LAMA1: variants seen among roughly 807,000 people sequenced by gnomAD.
The protein encoded by LAMA1 is laminin subunit alpha 1.
A neutral mutation model predicts 348.7 loss-of-function variants in LAMA1; 219 were observed. That is an observed-to-expected ratio of 0.63 (90% CI 0.56 to 0.70). The LOEUF is 0.70. Among genes scored for constraint, LAMA1 ranks in the 30% least tolerant of loss-of-function variants. The probability of loss-of-function intolerance (pLI) is 0.00; values close to 1 mark genes in which losing one functional copy is unlikely to be tolerated. For missense variants in LAMA1, 3,744 were observed against 3,888.0 expected (o/e 0.96, Z 0.99); for synonymous variants, 1,487 against 1,491.0 (o/e 1.00, Z 0.06).
chr18:7,014,643 T>TA (rs557372322), intron 22 of LAMA1, among the ~76,000 whole-genome samples: 125 of 134,544 alleles, frequency 9.3e-4, no homozygotes, highest in African/African-American at 1.2e-3. Context: ...CTGTCTCAAT[T>TA]AAAAAAAAAA....
Position 6,948,449 on chromosome 18 carries a change from C to T in LAMA1, c.8664G>A (p.Val2888=), listed in dbSNP as rs2057531883. The stretch of plus-strand genomic sequence containing the variant: ...CGTCAAAGTATGTTCCTTCCTGGGC[C>T]ACTGCGTAGCACCTGTTCACCGTGA... The part of the protein sequence containing the change: ...SAFTVNRCYA[V]AQEGTYFDGS... The change falls in exon 60 of 63, where the codon GTG becomes GTA. Residue 2888 remains valine, a synonymous_variant. Transcript: ENST00000389658. 6.2e-7 allele frequency: 1 copy of T among 1,614,136 alleles called. No individual in the cohort carries two copies. Among genetic ancestry groups the T allele is most frequent in the Non-Finnish European group, 8.5e-7 (1 of 1,180,034 alleles).
Position 7,055,112 on chromosome 18 carries a change from C to CTGTG in LAMA1, c.346-4180_346-4177dup, listed in dbSNP as rs147015838. Among the ~76,000 whole-genome samples, 582 of 145,302 alleles carry CTGTG rather than the reference C, an allele frequency of 4.0e-3. 5 individuals carry two copies. Among genetic ancestry groups the CTGTG allele is most frequent in the African/African-American group, 0.011 (453 of 39,568 alleles). ...AACCCTCAAGTTATTCAAGGGTCAG[C>CTGTG]TGTGTGTGTGTGTGTGTGTGTGTGT... On this transcript the variant is annotated intron_variant, in intron 3 of 62. Transcript: ENST00000389658.
intron 1 of LAMA1, among the ~76,000 whole-genome samples, chr18:7,090,972 T>C (rs974245481): frequency 2.0e-5 from 3 of 152,168 alleles, no homozygotes; most frequent in Non-Finnish European, 2.9e-5. Flanking sequence ...AGGTTTTGAT[T>C]GTAAGAGAAA....
intron 36 of LAMA1, among the ~76,000 whole-genome samples, chr18:6,991,238 T>A (rs2057756978): frequency 1.3e-5 from 2 of 152,068 alleles, no homozygotes; most frequent in South Asian, 4.2e-4. Context: ...TTATGCTCTA[T>A]GATGAAAAAA....
At chr18:7,099,662 A>G (rs1300528732) in intron 1 of LAMA1, among the ~76,000 whole-genome samples, 5 of 151,956 alleles carry the variant, frequency 3.3e-5, no homozygotes, top group African/African-American at 1.2e-4. Flanking sequence ...ATAACCCACA[A>G]AAGAAAATAA....
intron 1 of LAMA1, among the ~76,000 whole-genome samples, chr18:7,102,748 G>T (rs1598321309): frequency 6.6e-6 from 1 of 152,132 alleles, no homozygotes; most frequent in Non-Finnish European, 1.5e-5. Flanking sequence ...CCTGTCACCT[G>T]TATGGCACTT....
In LAMA1 at chr18:7,002,263, C is replaced by A. The variant is rs1188682746; in HGVS notation, c.4382+1G>T. On this transcript the variant is annotated splice_donor_variant, in intron 30 of 62. Transcript: ENST00000389658. LOFTEE classifies it high-confidence loss of function. ...TGCCAGCTGCCCCTGTGGGGACTCACCTGGCAGGAGGGCTGTGAGGACAGG... is the reference window on the plus strand; with the variant it reads ...TGCCAGCTGCCCCTGTGGGGACTCAACTGGCAGGAGGGCTGTGAGGACAGG... The A allele has an allele frequency of 6.2e-7, 1 of 1,611,540 alleles. No individual in the cohort carries two copies.
chr18:6,981,097 C>A (rs1285401656), intron 41 of LAMA1, among the ~76,000 whole-genome samples: 3 of 148,306 alleles, frequency 2.0e-5, no homozygotes, highest in Non-Finnish European at 4.5e-5. Flanking sequence ...AGCGAGACTC[C>A]GTCTCAAAAA....
intron 40 of LAMA1, 110 bp from the exon 41 acceptor site, chr18:6,982,700 A>C: frequency 4.4e-6 from 4 of 915,216 alleles, no homozygotes; most frequent in Non-Finnish European, 7.3e-6. Flanking sequence ...TCCCAGCAAG[A>C]AAGTCAGCCA....
At chr18:7,011,840 G>A (rs2057861861) in intron 24 of LAMA1, among the ~76,000 whole-genome samples, 155 bp downstream of exon 24, 1 of 152,240 alleles carries the variant, frequency 6.6e-6, no homozygotes, top group Non-Finnish European at 1.5e-5. Context: ...CAGAAGCTGA[G>A]CTCTGATTCC....
At chr18:6,991,377 C>T (rs1212451486) in intron 36 of LAMA1, among the ~76,000 whole-genome samples, 2 of 148,470 alleles carry the variant, frequency 1.3e-5, no homozygotes, top group Non-Finnish European at 1.5e-5. Context: ...CTAAATAATT[C>T]CACTTCTTCT....
intron 36 of LAMA1, among the ~76,000 whole-genome samples, chr18:6,986,768 C>CT (rs1389428342): frequency 1.3e-5 from 2 of 152,096 alleles, no homozygotes; most frequent in Non-Finnish European, 2.9e-5. Context: ...AGCTTTACTT[C>CT]TTATTTTTTG....
intron 10 of LAMA1, among the ~76,000 whole-genome samples, chr18:7,039,218 T>C (rs940300501): frequency 6.6e-6 from 1 of 152,232 alleles, no homozygotes; most frequent in African/African-American, 2.4e-5. Context: ...ATTTTTCATT[T>C]TTTTACTGAT....
chr18:6,964,695 T>C lies in LAMA1; in HGVS notation c.7304A>G (p.Tyr2435Cys), dbSNP rs187493441. 1.9e-6 allele frequency: 3 copies of C among 1,614,178 alleles called. No homozygotes were observed. The highest frequency in any genetic ancestry group is 1.3e-5 in the African/African-American group (1 of 75,046). The change falls in exon 51 of 63, where the codon TAT becomes TGT. Residue 2435 changes from tyrosine to cysteine, a missense_variant. By Grantham distance (194) the Tyr-to-Cys change is radical. Around this residue, in one of 3 missense-constraint regions of LAMA1, gnomAD observed 1,983 missense variants for 1,934.3 expected, o/e 1.03. Coordinates refer to ENST00000389658, the MANE Select transcript of LAMA1 (RefSeq NM_005559.4). Reference protein sequence around the residue: ...DLNRLDKDPIYVGGLPRSRVV... With the variant: ...DLNRLDKDPICVGGLPRSRVV... ...TCTTGACCTTGGTAATCCACCCACA[T>C]AAATCGGGTCCTTGTCTAGGCGGTT...
chr18:6,985,476 T>C (rs1331715497), intron 38 of LAMA1, 51 bp downstream of exon 38: 1 of 1,607,186 alleles, frequency 6.2e-7, no homozygotes, highest in Admixed American at 1.7e-5. Context: ...AGAAAAGATG[T>C]GTGAAGATTC....
At chr18:6,992,013 T>C (rs1286530876) in intron 36 of LAMA1, among the ~76,000 whole-genome samples, 1 of 152,176 alleles carries the variant, frequency 6.6e-6, no homozygotes, top group Non-Finnish European at 1.5e-5. Flanking sequence ...GTATATCAAG[T>C]AATACCTGTG....
Position 6,959,321 on chromosome 18 carries a change from G to A in LAMA1, c.7778+20C>T, listed in dbSNP as rs754793816. The A allele has an allele frequency of 1.2e-6, 2 of 1,613,958 alleles. No individual in the cohort carries two copies. Among genetic ancestry groups the A allele is most frequent in the South Asian group, 2.2e-5 (2 of 91,076 alleles). The stretch of plus-strand genomic sequence containing the variant: ...GCTCACCACACCTTCATTACACACT[G>A]CCTGGCCGCGTGCAAGTACCTCCGA... On this transcript the variant is annotated intron_variant, in intron 54 of 62. Transcript: ENST00000389658.
intron 19 of LAMA1, among the ~76,000 whole-genome samples, chr18:7,020,654 A>C (rs1044339586): frequency 3.3e-5 from 5 of 152,212 alleles, no homozygotes; most frequent in Admixed American, 2.6e-4. Context: ...CTACTAGCCC[A>C]GGCCCAGACC....
intron 29 of LAMA1, among the ~76,000 whole-genome samples, chr18:7,004,198 C>A (rs745366198): frequency 3.3e-5 from 5 of 152,174 alleles, no homozygotes; most frequent in Non-Finnish European, 7.4e-5. Flanking sequence ...ATGGGAAATT[C>A]ACAGAGAATG....
Sources: gnomAD v4.1 joint callset for allele counts (sites outside exome capture counted in the v4.1 genomes callset) on GRCh38, gnomAD v4.1.1 for gene constraint, gnomAD v4.1.1 regional missense constraint, MANE v1.5 for transcripts, NCBI Gene and HGNC (gene_info 2026-07-23, HGNC 2026-07-21) for gene names.